ST6GALNAC3: variants seen among roughly 807,000 people sequenced by gnomAD.
The protein encoded by ST6GALNAC3 is alpha-N-acetylgalactosaminide alpha-2,6-sialyltransferase 3.
ST6GALNAC3 carries 25 observed loss-of-function variants against 32.7 expected under a neutral mutation model. That is an observed-to-expected ratio of 0.76 (90% CI 0.56 to 1.07). The LOEUF (loss-of-function observed/expected upper bound fraction) is 1.07, where lower values mean the gene tolerates loss of function less well. ST6GALNAC3 is among the 50% of genes least tolerant of loss of function. The pLI is 0.00. For missense variants in ST6GALNAC3, 355 were observed against 382.4 expected, an observed-to-expected ratio of 0.93 and a Z score of 0.60; for synonymous variants, 129 against 133.1, an observed-to-expected ratio of 0.97 and a Z score of 0.21.
intron 1 of ST6GALNAC3, among the ~76,000 whole-genome samples, chr1:76,139,213 A>AAAT (rs1553158542): frequency 4.6e-5 from 7 of 152,114 alleles, no homozygotes; most frequent in African/African-American, 1.7e-4. Flanking sequence ...AAAAAAAAAA[A>AAAT]ATCTATGCAC....
At chr1:76,573,431 C>G (rs1646743909) in intron 3 of ST6GALNAC3, among the ~76,000 whole-genome samples, 2 of 152,104 alleles carry the variant, frequency 1.3e-5, no homozygotes, top group African/African-American at 4.8e-5. Context: ...GGAGCAGGGT[C>G]TGTGTGTGAA....
At chr1:76,338,370 T>G (rs1647676447) in intron 2 of ST6GALNAC3, among the ~76,000 whole-genome samples, 1 of 152,184 alleles carries the variant, frequency 6.6e-6, no homozygotes, top group Non-Finnish European at 1.5e-5. Flanking sequence ...CAGCCAAATG[T>G]ATTTCAGCCA....
At chr1:76,180,334 A>G (rs776769360) in intron 1 of ST6GALNAC3, among the ~76,000 whole-genome samples, 14 of 152,202 alleles carry the variant, frequency 9.2e-5, no homozygotes, top group Non-Finnish European at 1.6e-4. Flanking sequence ...TTCAGAGTAG[A>G]ACTAACGTTT....
In ST6GALNAC3 at chr1:76,138,174, G is replaced by A. The variant is rs138857688; in HGVS notation, c.18+63290G>A. On this transcript the variant is annotated intron_variant, in intron 1 of 4. Coordinates refer to ENST00000328299, the MANE Select transcript of ST6GALNAC3 (RefSeq NM_152996.4). ...CTGAAGTCTCTGAATGTCAAAAAGTGCTGGTTGAAAATATTTCATTTTTTT... is the reference window on the plus strand; with the variant it reads ...CTGAAGTCTCTGAATGTCAAAAAGTACTGGTTGAAAATATTTCATTTTTTT... Among the ~76,000 whole-genome samples, 220 of 152,290 alleles carry A rather than the reference G, an allele frequency of 1.4e-3. 2 individuals carry two copies. Among genetic ancestry groups the A allele is most frequent in the African/African-American group, 5.2e-3 (215 of 41,560 alleles).
At chr1:76,473,407 A>G (rs1571342289) in intron 3 of ST6GALNAC3, among the ~76,000 whole-genome samples, 1 of 152,274 alleles carries the variant, frequency 6.6e-6, no homozygotes, top group African/African-American at 2.4e-5. Context: ...GAGATGAACC[A>G]TTTGAAAATT....
chr1:76,404,110 C>G (rs1653635003), intron 2 of ST6GALNAC3, among the ~76,000 whole-genome samples: 1 of 151,920 alleles, frequency 6.6e-6, no homozygotes. Flanking sequence ...CATTTTTATG[C>G]ACCCCCATAT....
intron 1 of ST6GALNAC3, among the ~76,000 whole-genome samples, chr1:76,261,024 C>T (rs1658204859): frequency 6.7e-6 from 1 of 149,416 alleles, no homozygotes; most frequent in African/African-American, 2.5e-5. Context: ...TGTGAAATGG[C>T]CAAATCAAGC....
intron 1 of ST6GALNAC3, among the ~76,000 whole-genome samples, chr1:76,255,130 A>G (rs989369417): frequency 1.3e-5 from 2 of 151,842 alleles, no homozygotes; most frequent in Admixed American, 6.6e-5. Flanking sequence ...TGTTAGAGCC[A>G]GGAGCCTAGT....
intron 1 of ST6GALNAC3, among the ~76,000 whole-genome samples, chr1:76,127,088 C>G (rs769893801): frequency 2.0e-5 from 3 of 152,198 alleles, no homozygotes; most frequent in Non-Finnish European, 4.4e-5. Context: ...AAGCAGATTT[C>G]TGGAATCATC....
chr1:76,471,106 C>G (rs1269033676), intron 3 of ST6GALNAC3, among the ~76,000 whole-genome samples: 2 of 152,032 alleles, frequency 1.3e-5, no homozygotes, highest in East Asian at 3.9e-4. Flanking sequence ...AAAATATTAA[C>G]TCCTTGGTTA....
intron 1 of ST6GALNAC3, among the ~76,000 whole-genome samples, chr1:76,286,272 G>A (rs1557754432): frequency 6.6e-6 from 1 of 152,214 alleles, no homozygotes; most frequent in Non-Finnish European, 1.5e-5. Flanking sequence ...AGCTTTGGGA[G>A]AAAGGTAAAA....
intron 3 of ST6GALNAC3, among the ~76,000 whole-genome samples, chr1:76,585,390 AAG>A (rs1646947297): frequency 2.4e-5 from 1 of 41,930 alleles, no homozygotes; most frequent in African/African-American, 1.2e-4. Context: ...CTTCTCAAAA[AAG>A]AAAAAAAAAA....
intron 1 of ST6GALNAC3, among the ~76,000 whole-genome samples, chr1:76,102,488 C>G (rs1647267977): frequency 6.6e-6 from 1 of 152,006 alleles, no homozygotes; most frequent in African/African-American, 2.4e-5. Context: ...AGTTTCTCCT[C>G]TTTTTCTCCC....
At chr1:76,462,110 GT>G (rs1222828620) in intron 3 of ST6GALNAC3, among the ~76,000 whole-genome samples, 2 of 151,924 alleles carry the variant, frequency 1.3e-5, no homozygotes, top group African/African-American at 4.8e-5. Flanking sequence ...CTCCAAACCT[GT>G]CCCCATCCCC....
At chr1:76,376,553 A>G (rs1651251494) in intron 2 of ST6GALNAC3, among the ~76,000 whole-genome samples, 1 of 152,202 alleles carries the variant, frequency 6.6e-6, no homozygotes, top group South Asian at 2.1e-4. Context: ...AAATGGAATC[A>G]TGTAGTATGT....
chr1:76,455,037 C>T (rs1657676411), intron 3 of ST6GALNAC3, among the ~76,000 whole-genome samples: 1 of 151,686 alleles, frequency 6.6e-6, no homozygotes, highest in Non-Finnish European at 1.5e-5. Context: ...CCTTTTATTC[C>T]ACTTTCTGGG....
At chr1:76,289,938 T>C (rs1246414801) in intron 1 of ST6GALNAC3, among the ~76,000 whole-genome samples, 2 of 152,182 alleles carry the variant, frequency 1.3e-5, no homozygotes. Flanking sequence ...GAGGTGGAAA[T>C]GGCTGTGATA....
rs149310506 is a variant in ST6GALNAC3 at position 76,560,749 on chromosome 1, T to C, written c.624-66703T>C. ...CACTGTTGGTGGGAATGTAAATTAG[T>C]ACAATCACTGTGGAGAACAGTTTGA... is the stretch of plus-strand genomic sequence containing the variant. On this transcript the variant is annotated intron_variant, in intron 3 of 4. Coordinates refer to ENST00000328299, the MANE Select transcript of ST6GALNAC3 (RefSeq NM_152996.4). 3.6e-3 allele frequency among the ~76,000 whole-genome samples: 548 copies of C among 152,312 alleles called. 1 individual carries two copies. Among genetic ancestry groups the C allele is most frequent in the African/African-American group, 0.013 (524 of 41,566 alleles).
intron 3 of ST6GALNAC3, among the ~76,000 whole-genome samples, chr1:76,592,568 A>C (rs376098500): frequency 6.9e-6 from 1 of 143,944 alleles, no homozygotes; most frequent in East Asian, 1.9e-4. Flanking sequence ...TCCCAGGAGA[A>C]AACAGAGAAG....
Sources: allele counts gnomAD v4.1 joint callset (sites outside exome capture counted in the v4.1 genomes callset), GRCh38; gene constraint gnomAD v4.1.1; transcripts MANE v1.5; gene names NCBI Gene and HGNC (gene_info 2026-07-23, HGNC 2026-07-21).